The following PECR variants were observed in gnomAD, a reference collection of about 807,000 sequenced individuals.
PECR encodes the protein peroxisomal trans-2-enoyl-CoA reductase.
PECR carries 30 observed loss-of-function variants against 35.3 expected under a neutral mutation model. The observed-to-expected ratio is 0.85, with a 90% CI of 0.64 to 1.15. The LOEUF (loss-of-function observed/expected upper bound fraction) is 1.15, where lower values mean the gene tolerates loss of function less well. Ranked by LOEUF, PECR falls within the 50% of genes most tolerant of loss-of-function variation. The pLI is 0.00. For synonymous variants in PECR, 148 were observed against 138.9 expected, an observed-to-expected ratio of 1.07 and a Z score of -0.46; for missense variants, 392 against 370.8, an observed-to-expected ratio of 1.06 and a Z score of -0.47.
intron 4 of PECR, among the ~76,000 whole-genome samples, chr2:216,053,427 T>C (rs1695159365): frequency 6.6e-6 from 1 of 151,732 alleles, no homozygotes; most frequent in South Asian, 2.1e-4. Context: ...GTATTTTTAG[T>C]AGAGACGGGG....
rs529397693 is a variant in PECR at position 216,055,839 on chromosome 2, G to A, written c.506+3056C>T. On this transcript the variant is annotated intron_variant, in intron 4 of 7. Coordinates refer to ENST00000265322, the MANE Select transcript of PECR (RefSeq NM_018441.6). ...CCAAGGTATTAATTTCCATTTAGCC[G>A]TACCACCCATCATCACAAAGAATTA... Among the ~76,000 whole-genome samples, 134 of 152,118 alleles carry A rather than the reference G, an allele frequency of 8.8e-4. 1 individual carries two copies. The highest frequency in any genetic ancestry group is 2.1e-3 in the African/African-American group (88 of 41,460).
chr2:216,039,429 C>T (rs1694851309), intron 7 of PECR, 69 bp from the exon 8 acceptor site: 17 of 867,620 alleles, frequency 2.0e-5, no homozygotes, highest in Non-Finnish European at 2.6e-5. Context: ...CCACCAAATC[C>T]TCTTGTTAAT....
intron 1 of PECR, among the ~76,000 whole-genome samples, chr2:216,079,981 CAAA>C (rs746269775): frequency 5.8e-5 from 5 of 85,476 alleles, no homozygotes; most frequent in Admixed American, 1.2e-4. Flanking sequence ...AACTCCATCT[CAAA>C]AAAAAAAAAA....
At chr2:216,073,426 C>T (rs1695624882) in intron 1 of PECR, among the ~76,000 whole-genome samples, 1 of 152,052 alleles carries the variant, frequency 6.6e-6, no homozygotes, top group African/African-American at 2.4e-5. Flanking sequence ...TTAGTTTAGC[C>T]TGTGTGTACA....
intron 5 of PECR, 73 bp downstream of exon 5, chr2:216,051,376 C>A (rs1209080659): frequency 1.1e-6 from 1 of 877,216 alleles, no homozygotes; most frequent in East Asian, 2.5e-5. Flanking sequence ...TTACCAAATA[C>A]CTCTATCAAC....
intron 1 of PECR, among the ~76,000 whole-genome samples, chr2:216,070,231 TATATAA>T (rs1197310545): frequency 6.6e-6 from 1 of 152,256 alleles, no homozygotes; most frequent in African/African-American, 2.4e-5. Flanking sequence ...GATATTTTGA[TATATAA>T]ATATATTGTG....
At chr2:216,081,322 A>T (rs1695842277) in intron 1 of PECR, among the ~76,000 whole-genome samples, 1 of 152,228 alleles carries the variant, frequency 6.6e-6, no homozygotes, top group African/African-American at 2.4e-5. Flanking sequence ...ATTAATTTTA[A>T]ATCTGAATAT....
At chr2:216,044,073 G>A (rs142404140) in intron 6 of PECR, 58 bp from the exon 7 acceptor site, 48 of 865,578 alleles carry the variant, frequency 5.5e-5, no homozygotes, top group East Asian at 5.1e-4. Flanking sequence ...ATTTCTAACC[G>A]CCTCACATTC....
At chr2:216,052,683 TTTC>T (rs1259361192) in intron 4 of PECR, among the ~76,000 whole-genome samples, 5 of 152,178 alleles carry the variant, frequency 3.3e-5, no homozygotes, top group Non-Finnish European at 7.3e-5. Flanking sequence ...CTTGTACACT[TTTC>T]TTCATGTTTC....
intron 2 of PECR, 140 bp downstream of exon 2, chr2:216,066,245 G>C: frequency 1.3e-6 from 1 of 792,008 alleles, no homozygotes; most frequent in Non-Finnish European, 2.2e-6. Context: ...ATTAACATGA[G>C]AATCTCTTTC....
chr2:216,081,658 C>T lies in PECR; in HGVS notation c.84G>A (p.Thr28=), dbSNP rs758770791. ...CCTTCACGATGGCTTTTCCGATGCC[C>T]GTGGCCCCGCCGGTGACGATGGCCA... ...GQVAIVTGGA[T]GIGKAIVKEL... The change falls in exon 1 of 8, where the codon ACG becomes ACA. Residue 28 remains threonine (T), a synonymous_variant. Transcript: ENST00000265322. 1 of 1,613,030 alleles carries T rather than the reference C, an allele frequency of 6.2e-7. No individual in the cohort carries two copies. Among genetic ancestry groups the T allele is most frequent in the South Asian group, 1.1e-5 (1 of 91,070 alleles).
intron 7 of PECR, among the ~76,000 whole-genome samples, chr2:216,031,691 G>GAAAGAAAGAAAGAAAGAGAA: frequency 1.6e-5 from 1 of 61,164 alleles, no homozygotes; most frequent in South Asian, 4.9e-4. Context: ...AAGAAAGAAA[G>GAAAGAAAGAAAGAAAGAGAA]AGAAAGAAAG....
intron 3 of PECR, among the ~76,000 whole-genome samples, chr2:216,064,336 C>A (rs114637781): frequency 6.6e-6 from 1 of 152,164 alleles, no homozygotes; most frequent in Admixed American, 6.5e-5. Flanking sequence ...TTCTAGCTGA[C>A]GAATGTGAGC....
At chr2:216,063,419 A>C (rs918701058) in intron 3 of PECR, among the ~76,000 whole-genome samples, 1 of 152,142 alleles carries the variant, frequency 6.6e-6, no homozygotes, top group Admixed American at 6.5e-5. Context: ...GGAGATGGAG[A>C]CCATCCTGGC....
At position 216,030,108 on chromosome 2, in the gene PECR, GT is replaced by G. The variant is rs761312199; in HGVS notation, c.*440+9082del. Among the ~76,000 whole-genome samples the G allele has an allele frequency of 9.2e-5, 14 of 152,260 alleles. No individual in the cohort carries two copies. The East Asian group carries it at 2.5e-3, about 27-fold the overall frequency. ...TTAAAAGGTTATAAAGAAGATTTAG[GT>G]TTCAAATTTGTTCTAAAATACTTAT... On this transcript the variant is annotated intron_variant and NMD_transcript_variant, in intron 7 of 7. Transcript: ENST00000442122.
At chr2:216,031,449 A>G (rs1421770494) in intron 7 of PECR, among the ~76,000 whole-genome samples, 27 of 144,170 alleles carry the variant, frequency 1.9e-4, no homozygotes, top group African/African-American at 3.4e-4. Flanking sequence ...AAGAAAAAGA[A>G]AGAAAGAGAG....
intron 7 of PECR, among the ~76,000 whole-genome samples, chr2:216,042,979 G>A (rs200857472): frequency 0.016 from 2,131 of 130,252 alleles, 69 homozygotes; most frequent in Non-Finnish European, 0.025. Context: ...ACGTATATGT[G>A]TATATATATA....
In PECR at chr2:216,081,782, C is replaced by G. The variant is rs1695860659; in HGVS notation, c.-41G>C. The G allele has an allele frequency of 6.2e-7, 1 of 1,607,354 alleles. No individual in the cohort carries two copies. The highest frequency in any genetic ancestry group is 8.5e-7 in the Non-Finnish European group (1 of 1,178,868). ...CCAGAGCAGCTGAGCGCAGGCCCTT[C>G]TGGGTCTCAGGGACATTCGAGGCGG... On this transcript the variant is annotated 5_prime_UTR_variant, in exon 1 of 8. Transcript: ENST00000265322.
chr2:216,034,293 C>G (rs980445369), downstream of PECR, among the ~76,000 whole-genome samples: 1 of 152,216 alleles, frequency 6.6e-6, no homozygotes, highest in Non-Finnish European at 1.5e-5. Flanking sequence ...CCTCCTGCTA[C>G]AGGAAACAAA....
Sources: gnomAD v4.1 joint callset for allele counts (sites outside exome capture counted in the v4.1 genomes callset) on GRCh38, gnomAD v4.1.1 for gene constraint, MANE v1.5 for transcripts, NCBI Gene and HGNC (gene_info 2026-07-23, HGNC 2026-07-21) for gene names.